Variants in SLC35F1 observed in about 807,000 individuals in gnomAD.
The protein encoded by SLC35F1 is chromosome 6 open reading frame 169.
In SLC35F1, 14 loss-of-function variants were observed where a neutral mutation model predicts 48.7. That is an observed-to-expected ratio of 0.29 (90% CI 0.19 to 0.45). The LOEUF (loss-of-function observed/expected upper bound fraction) is 0.45. SLC35F1 is among the 20% of genes least tolerant of loss of function. SLC35F1 has a pLI of 1.00. For synonymous variants in SLC35F1, 190 were observed against 202.2 expected (o/e 0.94, Z 0.51); for missense variants, 404 against 500.0 (o/e 0.81, Z 1.83).
At chr6:118,190,793 A>T (rs1224823070) in intron 2 of SLC35F1, among the ~76,000 whole-genome samples, 2 of 152,150 alleles carry the variant, frequency 1.3e-5, no homozygotes, top group East Asian at 3.8e-4. Flanking sequence ...AGTCAAATAG[A>T]TCAAAGAATT....
At chr6:118,046,555 A>G (rs558142716) in intron 1 of SLC35F1, among the ~76,000 whole-genome samples, 33 of 152,278 alleles carry the variant, frequency 2.2e-4, no homozygotes, top group Non-Finnish European at 4.3e-4. Context: ...GTGAATGTAC[A>G]TAAGTGTCTA....
intron 1 of SLC35F1, among the ~76,000 whole-genome samples, chr6:117,997,036 G>A (rs961699916): frequency 9.2e-5 from 14 of 152,142 alleles, no homozygotes; most frequent in Admixed American, 5.9e-4. Context: ...AAAAAATTTA[G>A]ATGAATGTAT....
chr6:118,157,500 C>T (rs1377934134), intron 2 of SLC35F1, among the ~76,000 whole-genome samples: 1 of 152,004 alleles, frequency 6.6e-6, no homozygotes, highest in Non-Finnish European at 1.5e-5. Context: ...CACAATAGGC[C>T]GTCTGCAAGC....
At chr6:118,028,330 A>G (rs1771987898) in intron 1 of SLC35F1, among the ~76,000 whole-genome samples, 1 of 152,066 alleles carries the variant, frequency 6.6e-6, no homozygotes, top group Non-Finnish European at 1.5e-5. Flanking sequence ...CTTTTTCAAA[A>G]GACTGGGAGG....
chr6:118,288,344 A>G (rs892681007), intron 7 of SLC35F1, among the ~76,000 whole-genome samples: 2 of 152,172 alleles, frequency 1.3e-5, no homozygotes, highest in Non-Finnish European at 1.5e-5. Flanking sequence ...AGGTTGGGGA[A>G]CAGCTTGCTT....
intron 7 of SLC35F1, among the ~76,000 whole-genome samples, chr6:118,301,036 C>G (rs1376480596): frequency 6.6e-6 from 1 of 152,132 alleles, no homozygotes; most frequent in African/African-American, 2.4e-5. Context: ...TGTGTTCCAA[C>G]CAATTCCATC....
chr6:118,147,376 C>A (rs1435119687), intron 1 of SLC35F1, among the ~76,000 whole-genome samples: 1 of 152,032 alleles, frequency 6.6e-6, no homozygotes, highest in Non-Finnish European at 1.5e-5. Context: ...GACACAGGGC[C>A]CCTGGGTTGT....
At chr6:118,184,255 A>C (rs1031083398) in intron 2 of SLC35F1, among the ~76,000 whole-genome samples, 1 of 152,178 alleles carries the variant, frequency 6.6e-6, no homozygotes, top group African/African-American at 2.4e-5. Flanking sequence ...GTCCTGGAAA[A>C]ACTATCAAGA....
At chr6:118,210,297 T>A (rs1207848616) in intron 2 of SLC35F1, among the ~76,000 whole-genome samples, 1 of 152,248 alleles carries the variant, frequency 6.6e-6, no homozygotes, top group Non-Finnish European at 1.5e-5. Flanking sequence ...AAATGTTTCA[T>A]GTTCGTCATT....
At chr6:118,022,747 A>ATTTTTT (rs34879607) in intron 1 of SLC35F1, among the ~76,000 whole-genome samples, 2 of 120,644 alleles carry the variant, frequency 1.7e-5, no homozygotes, top group African/African-American at 6.8e-5. Flanking sequence ...AGCTTGGACA[A>ATTTTTT]TTTTTTTTTT....
At chr6:118,107,324 T>C (rs1469193056) in intron 1 of SLC35F1, among the ~76,000 whole-genome samples, 1 of 152,200 alleles carries the variant, frequency 6.6e-6, no homozygotes, top group Admixed American at 6.6e-5. Flanking sequence ...TCATTTTCTC[T>C]TCTGAAACTC....
At chr6:117,975,393 T>C (rs1437423506) in intron 1 of SLC35F1, among the ~76,000 whole-genome samples, 1 of 152,238 alleles carries the variant, frequency 6.6e-6, no homozygotes, top group East Asian at 1.9e-4. Flanking sequence ...GGAATGCCAA[T>C]TAAGCTTTGA....
chr6:118,016,772 C>T (rs1447294652), intron 1 of SLC35F1, among the ~76,000 whole-genome samples: 1 of 152,184 alleles, frequency 6.6e-6, no homozygotes, highest in Non-Finnish European at 1.5e-5. Context: ...CATCCAAAAG[C>T]TTCTTTTTAA....
rs549937396 is a variant in SLC35F1 at position 117,999,076 on chromosome 6, G to A, written c.173+91177G>A. 2,888 of 1,535,212 alleles carry A rather than the reference G, an allele frequency of 1.9e-3. 7 individuals carry two copies. The highest frequency in any genetic ancestry group is 2.4e-3 in the Non-Finnish European group (2,643 of 1,121,398). On this transcript the variant is annotated intron_variant, in intron 1 of 7. Coordinates refer to ENST00000360388, the MANE Select transcript of SLC35F1 (RefSeq NM_001029858.4). ...CACAAAGATACGAATCTCTTAAGGGGGTGGACCCCAAGTTCCTGAGGAACA... is the reference window on the plus strand; with the variant it reads ...CACAAAGATACGAATCTCTTAAGGGAGTGGACCCCAAGTTCCTGAGGAACA...
At chr6:118,128,761 T>C (rs1773666808) in intron 1 of SLC35F1, among the ~76,000 whole-genome samples, 1 of 151,472 alleles carries the variant, frequency 6.6e-6, no homozygotes, top group South Asian at 2.1e-4. Context: ...TGTATACATA[T>C]GTAACTAACC....
intron 1 of SLC35F1, among the ~76,000 whole-genome samples, chr6:117,915,003 G>A (rs1226515318): frequency 1.3e-5 from 2 of 152,150 alleles, no homozygotes; most frequent in African/African-American, 4.8e-5. Context: ...TCTGTTCAGG[G>A]TGAACCTATC....
In SLC35F1 at chr6:118,154,577, T is replaced by A; in HGVS notation, c.306T>A (p.Ile102=). The A allele has an allele frequency of 6.2e-7, 1 of 1,613,958 alleles. No homozygotes were observed. The highest frequency in any genetic ancestry group is 8.5e-7 in the Non-Finnish European group (1 of 1,179,926). Residue 102 remains isoleucine, a synonymous_variant, in exon 2 of 8, where the codon ATT becomes ATA. Transcript: ENST00000360388. ...TCTTCCAGAGTTTCCTCAATTACATTCTTCTCTTCTTGGTCTATACCACCA... is the reference window on the plus strand; with the variant it reads ...TCTTCCAGAGTTTCCTCAATTACATACTTCTCTTCTTGGTCTATACCACCA... ...TPVFQSFLNY[I]LLFLVYTTTL...
At chr6:118,031,069 A>G (rs1208641836) in intron 1 of SLC35F1, among the ~76,000 whole-genome samples, 2 of 152,144 alleles carry the variant, frequency 1.3e-5, no homozygotes, top group African/African-American at 4.8e-5. Flanking sequence ...CTCACTATCA[A>G]CATCTCACAC....
In SLC35F1 at chr6:118,050,966, C is replaced by T. The variant is rs77769786; in HGVS notation, c.174-103479C>T. 6.8e-3 allele frequency among the ~76,000 whole-genome samples: 1,033 copies of T among 152,180 alleles called. 13 individuals carry two copies. The highest frequency in any genetic ancestry group is 0.024 in the African/African-American group (993 of 41,532). On this transcript the variant is annotated intron_variant, in intron 1 of 7. Transcript: ENST00000360388. ...AAATCTCATGGAACTGCATGTTCTCCAGCATGTAACTAACTTTAAAGATGA... is the reference window on the plus strand; with the variant it reads ...AAATCTCATGGAACTGCATGTTCTCTAGCATGTAACTAACTTTAAAGATGA...
Sources: allele counts gnomAD v4.1 joint callset (sites outside exome capture counted in the v4.1 genomes callset), GRCh38; gene constraint gnomAD v4.1.1; transcripts MANE v1.5; gene names NCBI Gene and HGNC (gene_info 2026-07-23, HGNC 2026-07-21).